The following RAD52 variants were observed in gnomAD, a reference collection of about 807,000 sequenced individuals.
RAD52 encodes RAD52 DNA repair protein, also known as DNA repair protein RAD52 homolog.
RAD52 carries 47 observed loss-of-function variants against 55.5 expected under a neutral mutation model. The ratio of observed to expected loss-of-function variants is 0.85; its 90% CI spans 0.67 to 1.08. The LOEUF (loss-of-function observed/expected upper bound fraction) is 1.08. RAD52 is among the 50% of genes least tolerant of loss of function. The pLI is 0.00. For synonymous variants in RAD52, 184 were observed against 198.9 expected, an observed-to-expected ratio of 0.92 and a Z score of 0.63; for missense variants, 468 against 522.8, an observed-to-expected ratio of 0.90 and a Z score of 1.02.
At chr12:961,730 G>A (rs78027893) in intron 1 of RAD52, among the ~76,000 whole-genome samples, 2 of 152,092 alleles carry the variant, frequency 1.3e-5, no homozygotes, top group African/African-American at 4.8e-5. Context: ...GGGTTTGGTG[G>A]CATGCACCTG....
At chr12:970,037 G>C (rs1263391422) in intron 1 of RAD52, among the ~76,000 whole-genome samples, 1 of 147,688 alleles carries the variant, frequency 6.8e-6, no homozygotes, top group Non-Finnish European at 1.5e-5. Context: ...GGCTGGGCGC[G>C]GTGACTCATG....
rs146605052 is a variant in RAD52 at position 914,937 on chromosome 12, C to T, written c.866-405G>A. ...CTTTGGGAGGCCAAGGTGGGAGGAT[C>T]GCTTGAAACCAGGAATTCGAGACGC... On this transcript the variant is annotated intron_variant, in intron 9 of 11. Coordinates refer to ENST00000358495, the MANE Select transcript of RAD52 (RefSeq NM_134424.4). Among the ~76,000 whole-genome samples the T allele has an allele frequency of 7.0e-4, 106 of 152,244 alleles. 1 individual carries two copies. In the East Asian group the frequency reaches 0.02, roughly 29 times the overall value.
At chr12:923,853 T>C (rs1592345269) in intron 7 of RAD52, among the ~76,000 whole-genome samples, 1 of 135,378 alleles carries the variant, frequency 7.4e-6, no homozygotes, top group South Asian at 2.3e-4. Flanking sequence ...AGGTCAGGAG[T>C]TCAAGACCAG....
At chr12:916,071 A>G (rs754004826) in intron 9 of RAD52, 4 of 910,000 alleles carry the variant, frequency 4.4e-6, no homozygotes, top group Non-Finnish European at 5.8e-6. Context: ...AAAGTTCTTT[A>G]CCCTGAAATT....
chr12:914,666 C>T, intron 9 of RAD52, 134 bp from the exon 10 acceptor site: 1 of 1,045,448 alleles, frequency 9.6e-7, no homozygotes, highest in Non-Finnish European at 1.4e-6. Context: ...TGCGCTGCTT[C>T]TGCCAGTAAA....
upstream of RAD52, among the ~76,000 whole-genome samples, chr12:951,984 G>A (rs1016328583): frequency 1.3e-5 from 2 of 151,728 alleles, no homozygotes; most frequent in African/African-American, 4.8e-5. Context: ...TTTTCTAAGA[G>A]ACAGCACCTC....
chr12:933,528 A>G (rs1371968253), intron 1 of RAD52, among the ~76,000 whole-genome samples: 1 of 151,842 alleles, frequency 6.6e-6, no homozygotes, highest in Non-Finnish European at 1.5e-5. Flanking sequence ...GCACTGCTCC[A>G]ATCCAGAACA....
Position 966,272 on chromosome 12 carries a change from T to C in RAD52, c.-19+23537A>G, listed in dbSNP as rs557206884. ...GTGAGCCACCGCGATGGGCCCAATA[T>C]GTAAATAGGGGTGTTGTATGGAACT... is the stretch of plus-strand genomic sequence containing the variant. On this transcript the variant is annotated intron_variant, in intron 1 of 11. Transcript: ENST00000430095. Among the ~76,000 whole-genome samples, 5 of 152,240 alleles carry C rather than the reference T, an allele frequency of 3.3e-5. No homozygotes were observed. In the South Asian group the frequency reaches 1.0e-3, roughly 32 times the overall value.
intron 5 of RAD52, among the ~76,000 whole-genome samples, chr12:927,822 C>T (rs1020947180): frequency 2.6e-5 from 4 of 151,878 alleles, no homozygotes; most frequent in African/African-American, 7.3e-5. Context: ...GCCGAGATTG[C>T]ACCACTGCAC....
chr12:916,431 G>C lies in RAD52; in HGVS notation c.778C>G (p.Arg260Gly). Residue 260 changes from arginine (R) to glycine (G), a missense_variant, in exon 9 of 12, where the codon CGG (arginine) becomes GGG (glycine). Transcript: ENST00000358495. ...ESEATHQRKLRQKQLQQQFRE... is the reference protein window; with the variant it reads ...ESEATHQRKLGQKQLQQQFRE... Reference sequence around the variant, plus strand: ...AACTGCTGCTGCAGCTGCTTCTGCCGGAGCTTCCGCTGGTGCGTGGCCTCG... The same window carrying C: ...AACTGCTGCTGCAGCTGCTTCTGCCCGAGCTTCCGCTGGTGCGTGGCCTCG... 1.9e-6 allele frequency: 3 copies of C among 1,607,596 alleles called. No individual in the cohort carries two copies. The highest frequency in any genetic ancestry group is 4.5e-5 in the East Asian group (2 of 44,742).
intron 7 of RAD52, among the ~76,000 whole-genome samples, chr12:917,093 GTC>G (rs1956433630): frequency 1.3e-5 from 2 of 152,330 alleles, no homozygotes; most frequent in South Asian, 4.1e-4. Context: ...TGCTGGGTCT[GTC>G]TTTGCTGCCT....
chr12:934,291 A>C lies in RAD52; in HGVS notation c.-18-1215T>G, dbSNP rs542120598. Among the ~76,000 whole-genome samples, 116 of 151,746 alleles carry C rather than the reference A, an allele frequency of 7.6e-4. 1 individual carries two copies. Among genetic ancestry groups the C allele is most frequent in the Middle Eastern group, 6.8e-3 (2 of 294 alleles). On this transcript the variant is annotated intron_variant, in intron 1 of 11. Coordinates refer to ENST00000358495, the MANE Select transcript of RAD52 (RefSeq NM_134424.4). ...AGACCAGCCTGGCCAACATGGTGAA[A>C]TGTCTTTATAAAAATACAAAAATTA...
chr12:960,793 T>C (rs1388419407), intron 1 of RAD52, among the ~76,000 whole-genome samples: 1 of 152,142 alleles, frequency 6.6e-6, no homozygotes, highest in Non-Finnish European at 1.5e-5. Flanking sequence ...TATGTTAATA[T>C]GTTACCTGTT....
At chr12:970,203 T>G (rs899532887) in intron 1 of RAD52, among the ~76,000 whole-genome samples, 4 of 143,882 alleles carry the variant, frequency 2.8e-5, no homozygotes, top group African/African-American at 1.0e-4. Flanking sequence ...GCTACCTGGG[T>G]GGGGCAGGGG....
In RAD52 at chr12:946,395, T is replaced by C. The variant is rs541677331; in HGVS notation, c.-19+3207A>G. On this transcript the variant is annotated intron_variant, in intron 1 of 11. Coordinates refer to ENST00000358495, the MANE Select transcript of RAD52 (RefSeq NM_134424.4). ...CCATCATGAACACTGAACTAGCAAA[T>C]ACTGAGCCACTGCTCCCAGGGGAAA... Among the ~76,000 whole-genome samples, 27 of 152,198 alleles carry C rather than the reference T, an allele frequency of 1.8e-4. 1 individual carries two copies. The South Asian group carries it at 5.2e-3, about 29-fold the overall frequency.
chr12:983,682 A>T (rs756755120), intron 1 of RAD52, among the ~76,000 whole-genome samples: 4 of 152,132 alleles, frequency 2.6e-5, no homozygotes, highest in Non-Finnish European at 4.4e-5. Context: ...GGCCTCCCAA[A>T]GTGCTGGGAT....
At chr12:918,131 A>G (rs960762708) in intron 7 of RAD52, among the ~76,000 whole-genome samples, 1 of 152,194 alleles carries the variant, frequency 6.6e-6, no homozygotes, top group African/African-American at 2.4e-5. Context: ...AACAAAAATG[A>G]GTGCAACTGT....
intron 1 of RAD52, among the ~76,000 whole-genome samples, chr12:948,684 T>C (rs1265392371): frequency 6.6e-6 from 1 of 152,032 alleles, no homozygotes; most frequent in Non-Finnish European, 1.5e-5. Flanking sequence ...AGGGAGTGAA[T>C]TTAATTGTAC....
chr12:977,767 C>T (rs1164459462), intron 1 of RAD52, among the ~76,000 whole-genome samples: 1 of 152,188 alleles, frequency 6.6e-6, no homozygotes, highest in Non-Finnish European at 1.5e-5. Flanking sequence ...ACTAGTGTAA[C>T]CATATATTTC....
Sources: gnomAD v4.1 joint callset for allele counts (sites outside exome capture counted in the v4.1 genomes callset) on GRCh38, gnomAD v4.1.1 for gene constraint, MANE v1.5 for transcripts, NCBI Gene and HGNC (gene_info 2026-07-23, HGNC 2026-07-21) for gene names.